Variants in IL31RA observed in about 807,000 individuals in gnomAD.
IL31RA encodes interleukin-31 receptor subunit alpha.
Under a neutral mutation model 83.7 loss-of-function variants are expected in IL31RA, and 66 were observed. The ratio of observed to expected loss-of-function variants is 0.79; its 90% CI spans 0.65 to 0.97. The LOEUF is 0.97. IL31RA is among the 50% of genes least tolerant of loss of function. The pLI is 0.00. For synonymous variants in IL31RA, 325 were observed against 329.0 expected (o/e 0.99, Z 0.13); for missense variants, 798 against 919.4 (o/e 0.87, Z 1.71).
chr5:55,890,286 C>A, intron 6 of IL31RA, 151 bp downstream of exon 6: 1 of 722,564 alleles, frequency 1.4e-6, no homozygotes, highest in South Asian at 1.5e-5. Context: ...GCCTGCACAA[C>A]TTTGTGCCCC....
In IL31RA at chr5:55,883,024, T is replaced by C. The variant is rs1332807892; in HGVS notation, c.455-20T>C. The C allele has an allele frequency of 1.2e-6, 2 of 1,612,696 alleles. No homozygotes were observed. Among genetic ancestry groups the C allele is most frequent in the Admixed American group, 1.7e-5 (1 of 60,024 alleles). ...CTTATCTTTTTGCAGATATGAGAGT[T>C]GTATGATTTTTATTTTCAGCGAAAA... On this transcript the variant is annotated intron_variant, in intron 4 of 14. Transcript: ENST00000652347.
chr5:55,909,483 CCAAA>C (rs1325376555), intron 11 of IL31RA, among the ~76,000 whole-genome samples: 1 of 152,124 alleles, frequency 6.6e-6, no homozygotes, highest in African/African-American at 2.4e-5. Context: ...TGAGGAGCCA[CCAAA>C]CAGTTTTCCA....
intron 3 of IL31RA, among the ~76,000 whole-genome samples, chr5:55,870,592 C>T (rs192671685): frequency 1.2e-4 from 18 of 152,166 alleles, no homozygotes; most frequent in African/African-American, 4.3e-4. Flanking sequence ...TTATTATCAC[C>T]AGTTGGACAT....
At chr5:55,844,119 A>G in the IL31RA span, among the ~76,000 whole-genome samples, 1 of 152,186 alleles carries the variant, frequency 6.6e-6, no homozygotes, top group African/African-American at 2.4e-5. Context: ...CCTTTCCTAT[A>G]AAGGCACAAA....
At position 55,920,627 on chromosome 5, in the gene IL31RA, T is replaced by C. The variant is rs566015526; in HGVS notation, c.*3507T>C. Among the ~76,000 whole-genome samples the C allele has an allele frequency of 2.0e-5, 3 of 152,136 alleles. No individual in the cohort carries two copies. Among genetic ancestry groups the C allele is most frequent in the Non-Finnish European group, 4.4e-5 (3 of 68,022 alleles). On this transcript the variant is annotated 3_prime_UTR_variant, in exon 15 of 15. Transcript: ENST00000652347. Reference sequence around the variant, plus strand: ...CTCTCTGACCCTTTGCAGAAAAAATTTGTGGACGCCTACCATAACCCACAG... The same window carrying C: ...CTCTCTGACCCTTTGCAGAAAAAATCTGTGGACGCCTACCATAACCCACAG...
chr5:55,919,055 T>C lies in IL31RA; in HGVS notation c.*1935T>C, dbSNP rs1258001629. On this transcript the variant is annotated 3_prime_UTR_variant, in exon 15 of 15. Transcript: ENST00000652347. ...CCACCCCTTCTATGGTGTGGGCTCTTCTGTGAGCCCACTGTCCCCAGAGTT... is the reference window on the plus strand; with the variant it reads ...CCACCCCTTCTATGGTGTGGGCTCTCCTGTGAGCCCACTGTCCCCAGAGTT... Among the ~76,000 whole-genome samples, 1 of 152,196 alleles carries C rather than the reference T, an allele frequency of 6.6e-6. No homozygotes were observed. Among genetic ancestry groups the C allele is most frequent in the Non-Finnish European group, 1.5e-5 (1 of 68,042 alleles).
chr5:55,881,298 T>A (rs1269621547), intron 4 of IL31RA, among the ~76,000 whole-genome samples: 11 of 84,798 alleles, frequency 1.3e-4, no homozygotes, highest in African/African-American at 3.4e-4. Context: ...CAAGGCTCCA[T>A]CTCAAAAAAA....
Position 55,903,302 on chromosome 5 carries a change from C to T in IL31RA, c.1070-2804C>T, listed in dbSNP as rs1030750532. Among the ~76,000 whole-genome samples the T allele has an allele frequency of 2.0e-5, 3 of 152,178 alleles. No individual in the cohort carries two copies. Among genetic ancestry groups the T allele is most frequent in the African/African-American group, 7.2e-5 (3 of 41,440 alleles). On this transcript the variant is annotated intron_variant, in intron 8 of 14. Coordinates refer to ENST00000652347, the MANE Select transcript of IL31RA (RefSeq NM_139017.7). The surrounding 1 kb of genome is among the most constrained non-coding windows in gnomAD (Gnocchi z 4.7). Reference sequence around the variant, plus strand: ...GGAGAAGCAGCACCAGCACGTGAGCCCCGGGTGACTGTCTTCATGCAGATC... The same window carrying T: ...GGAGAAGCAGCACCAGCACGTGAGCTCCGGGTGACTGTCTTCATGCAGATC...
Position 55,903,463 on chromosome 5 carries a change from A to C in IL31RA, c.1070-2643A>C, listed in dbSNP as rs1444154723. ...TGTTGAATGATGGAAGGACCCGGCG[A>C]TTCGTTTATATTGAGTAGAGTGATG... On this transcript the variant is annotated intron_variant, in intron 8 of 14. Transcript: ENST00000652347. This position sits in a 1 kb window ranked among gnomAD's most constrained non-coding sequence, Gnocchi z 4.7. 6.6e-6 allele frequency among the ~76,000 whole-genome samples: 1 copy of C among 152,166 alleles called. No individual in the cohort carries two copies. Among genetic ancestry groups the C allele is most frequent in the African/African-American group, 2.4e-5 (1 of 41,426 alleles).
At position 55,900,070 on chromosome 5, in the gene IL31RA, C is replaced by T. The variant is rs1374551297; in HGVS notation, c.1007C>T (p.Ser336Phe). ...GAGAGCTTTTGGGTGTCTATGATTT[C>T]TTATAATTCTCTTGGGAAGTCTCCA... The part of the protein sequence containing the change: ...GGESFWVSMI[S>F]YNSLGKSPVA... The change falls in exon 8 of 15, where the codon TCT becomes TTT. Residue 336 changes from serine to phenylalanine, a missense_variant. Physicochemically the swap from Ser to Phe is radical, Grantham distance 155. Coordinates refer to ENST00000652347, the MANE Select transcript of IL31RA (RefSeq NM_139017.7). 1.9e-6 allele frequency: 3 copies of T among 1,614,172 alleles called. No homozygotes were observed. The highest frequency in any genetic ancestry group is 2.5e-6 in the Non-Finnish European group (3 of 1,180,016).
intron 2 of IL31RA, among the ~76,000 whole-genome samples, chr5:55,867,305 G>A (rs954589042): frequency 1.3e-3 from 21 of 15,826 alleles, no homozygotes; most frequent in East Asian, 5.3e-3. Flanking sequence ...GTGTGTGTGC[G>A]TGTGTGTGTG....
chr5:55,907,214 C>A, intron 9 of IL31RA, 145 bp from the exon 10 acceptor site: 1 of 640,490 alleles, frequency 1.6e-6, no homozygotes, highest in Non-Finnish European at 2.8e-6. Context: ...AGAGACCATT[C>A]AACCTAACCT....
At chr5:55,889,037 G>A (rs572031697) in intron 5 of IL31RA, among the ~76,000 whole-genome samples, 44 of 152,286 alleles carry the variant, frequency 2.9e-4, no homozygotes, top group Admixed American at 1.8e-3. Context: ...TAGTTAAATA[G>A]ACATGCCTAT....
Position 55,903,160 on chromosome 5 carries a change from C to T in IL31RA, c.1070-2946C>T, listed in dbSNP as rs764357397. 1.3e-5 allele frequency among the ~76,000 whole-genome samples: 2 copies of T among 152,170 alleles called. No homozygotes were observed. The highest frequency in any genetic ancestry group is 2.4e-5 in the African/African-American group (1 of 41,438). ...TTGTGAGACCCGAGACAGCAGGCAG[C>T]GGTGGCGTGGTCCCAGGCAGGGCAT... On this transcript the variant is annotated intron_variant, in intron 8 of 14. Coordinates refer to ENST00000652347, the MANE Select transcript of IL31RA (RefSeq NM_139017.7). This position sits in a 1 kb window ranked among gnomAD's most constrained non-coding sequence, Gnocchi z 4.7.
chr5:55,867,672 C>T (rs1202237386), intron 2 of IL31RA, among the ~76,000 whole-genome samples: 3 of 151,946 alleles, frequency 2.0e-5, no homozygotes, highest in Admixed American at 6.6e-5. Context: ...AAGACATACG[C>T]GAGACTGGGA....
intron 1 of IL31RA, among the ~76,000 whole-genome samples, chr5:55,857,590 ATACT>A (rs1745435846): frequency 1.3e-5 from 2 of 152,136 alleles, no homozygotes; most frequent in Non-Finnish European, 2.9e-5. Flanking sequence ...TATTGTAACT[ATACT>A]TACTATGTGA....
intron 7 of IL31RA, among the ~76,000 whole-genome samples, chr5:55,897,967 G>A (rs1233525407): frequency 6.6e-6 from 1 of 152,198 alleles, no homozygotes; most frequent in African/African-American, 2.4e-5. Flanking sequence ...CCTCAGGGTT[G>A]GAGGCTCCCG....
intron 2 of IL31RA, among the ~76,000 whole-genome samples, chr5:55,864,144 T>C (rs1745858620): frequency 6.6e-6 from 1 of 152,172 alleles, no homozygotes; most frequent in Non-Finnish European, 1.5e-5. Context: ...GTTTCCTTGT[T>C]CTCTGGCCAA....
intron 11 of IL31RA, 89 bp from the exon 12 acceptor site, chr5:55,910,443 A>C (rs1163278046): frequency 5.6e-6 from 8 of 1,433,376 alleles, no homozygotes; most frequent in Non-Finnish European, 7.8e-6. Flanking sequence ...TTGGAAGCAC[A>C]GGTTCCAATG....
Sources: gnomAD v4.1 joint callset for allele counts (sites outside exome capture counted in the v4.1 genomes callset) on GRCh38, gnomAD v4.1.1 for gene constraint, Gnocchi (gnomAD v3.1) non-coding constraint, MANE v1.5 for transcripts, NCBI Gene and HGNC (gene_info 2026-07-23, HGNC 2026-07-21) for gene names.